The following ZBTB7C variants were observed in gnomAD, a reference collection of about 807,000 sequenced individuals.
ZBTB7C encodes the protein zinc finger and BTB domain containing 7C.
ZBTB7C carries 8 observed loss-of-function variants against 25.7 expected under a neutral mutation model. The ratio of observed to expected loss-of-function variants is 0.31; its 90% CI spans 0.18 to 0.56. ZBTB7C has a LOEUF of 0.56. Ranked by LOEUF, ZBTB7C falls within the 20% of genes least tolerant of loss-of-function variation. The pLI, the probability that ZBTB7C is intolerant of heterozygous loss-of-function variation, is 0.91. For synonymous variants in ZBTB7C, 394 were observed against 369.0 expected (o/e 1.07, Z -0.78); for missense variants, 824 against 855.2 (o/e 0.96, Z 0.46).
chr18:48,090,704 G>A (rs1642491442), intron 3 of ZBTB7C, among the ~76,000 whole-genome samples: 1 of 148,424 alleles, frequency 6.7e-6, no homozygotes, highest in Non-Finnish European at 1.5e-5. Context: ...TGTCCGGCCA[G>A]GCACTTGGCT....
At chr18:48,190,612 C>A (rs2042170274) in intron 2 of ZBTB7C, among the ~76,000 whole-genome samples, 1 of 152,142 alleles carries the variant, frequency 6.6e-6, no homozygotes, top group Admixed American at 6.5e-5. Context: ...TGCATGACAT[C>A]CTTCAGAAGG....
intron 3 of ZBTB7C, among the ~76,000 whole-genome samples, chr18:48,045,766 G>A (rs959482503): frequency 6.6e-6 from 1 of 150,640 alleles, no homozygotes; most frequent in Non-Finnish European, 1.5e-5. Context: ...GTAATGATTG[G>A]TGTCTCTGCT....
At chr18:48,151,782 T>A (rs995893386) in intron 3 of ZBTB7C, among the ~76,000 whole-genome samples, 1 of 152,218 alleles carries the variant, frequency 6.6e-6, no homozygotes, top group Non-Finnish European at 1.5e-5. Flanking sequence ...CACGTTTCCA[T>A]GCTTTTCGTG....
chr18:48,389,236 CGTGTGTGTGTGTG>C (rs1471990404), intron 1 of ZBTB7C, among the ~76,000 whole-genome samples: 38 of 62,362 alleles, frequency 6.1e-4, no homozygotes, highest in African/African-American at 2.6e-3. Context: ...CTCTCTCTCT[CGTGTGTGTGTGTG>C]TGTGTGTGTG....
rs546146601 is a variant in ZBTB7C at position 48,376,328 on chromosome 18, CGGAA to C, written c.-304+32894_-304+32897del. On this transcript the variant is annotated intron_variant, in intron 1 of 4. Coordinates refer to ENST00000590800, the MANE Select transcript of ZBTB7C (RefSeq NM_001318841.2). ...AGAGTCTGCGACAGAAAAGATGATT[CGGAA>C]GGAAGGGTTTTCCGGGCCTCTCCAG... 1.2e-3 allele frequency among the ~76,000 whole-genome samples: 189 copies of C among 152,300 alleles called. 1 individual carries two copies. Among genetic ancestry groups the C allele is most frequent in the African/African-American group, 4.4e-3 (183 of 41,570 alleles).
intron 1 of ZBTB7C, among the ~76,000 whole-genome samples, chr18:48,408,874 C>G (rs1057214959): frequency 1.3e-5 from 2 of 151,360 alleles, no homozygotes; most frequent in Non-Finnish European, 2.9e-5. Flanking sequence ...AGCCAGGAGG[C>G]GCGGCGCCCG....
At chr18:48,144,106 C>G (rs2040429303) in intron 3 of ZBTB7C, among the ~76,000 whole-genome samples, 1 of 152,026 alleles carries the variant, frequency 6.6e-6, no homozygotes, top group Non-Finnish European at 1.5e-5. Flanking sequence ...GGTGAAAGCC[C>G]CATCTTTACT....
chr18:48,089,855 G>A (rs1032694755), intron 3 of ZBTB7C, among the ~76,000 whole-genome samples: 1 of 152,204 alleles, frequency 6.6e-6, no homozygotes, highest in Non-Finnish European at 1.5e-5. Flanking sequence ...CTGGAGATGG[G>A]GTCAGGCCTG....
chr18:48,038,409 C>A (rs2036067801), intron 4 of ZBTB7C, among the ~76,000 whole-genome samples: 1 of 152,166 alleles, frequency 6.6e-6, no homozygotes, highest in Admixed American at 6.5e-5. Context: ...TCCTTCAAAA[C>A]AGTCCCCTGA....
At chr18:48,324,522 C>G (rs2144872662) in intron 2 of ZBTB7C, among the ~76,000 whole-genome samples, 1 of 152,116 alleles carries the variant, frequency 6.6e-6, no homozygotes, top group East Asian at 1.9e-4. Flanking sequence ...CCCAAAAACT[C>G]ACATGTAGAA....
At chr18:48,347,880 G>C (rs542265488) in intron 1 of ZBTB7C, among the ~76,000 whole-genome samples, 54 of 152,348 alleles carry the variant, frequency 3.5e-4, no homozygotes, top group African/African-American at 1.2e-3. Context: ...CTTGAGACCA[G>C]GGTGGGAAAT....
chr18:48,040,535 C>T lies in ZBTB7C; in HGVS notation c.573G>A (p.Lys191=), dbSNP rs375898584. The T allele has an allele frequency of 1.2e-6, 2 of 1,613,908 alleles. No individual in the cohort carries two copies. Among genetic ancestry groups the T allele is most frequent in the East Asian group, 2.2e-5 (1 of 44,890 alleles). Residue 191 remains lysine, a synonymous_variant, in exon 4 of 5, where the codon AAG becomes AAA. Coordinates refer to ENST00000590800, the MANE Select transcript of ZBTB7C (RefSeq NM_001318841.2). The stretch of plus-strand genomic sequence containing the variant: ...AGGCCTTCTCTGTGAGATGGTCTGT[C>T]TTGGAAGGGCTTTGGTGGCAGCTGA... ...QDISCHQSPS[K]TDHLTEKAYS...
chr18:48,201,559 G>A (rs905814531), intron 2 of ZBTB7C, among the ~76,000 whole-genome samples: 1 of 151,466 alleles, frequency 6.6e-6, no homozygotes, highest in African/African-American at 2.4e-5. Context: ...CCCCGTTTCT[G>A]GAGTCTGCCC....
chr18:48,040,133 G>A lies in ZBTB7C; in HGVS notation c.975C>T (p.Ile325=). The A allele has an allele frequency of 6.3e-7, 1 of 1,590,904 alleles. No homozygotes were observed. The highest frequency in any genetic ancestry group is 8.6e-7 in the Non-Finnish European group (1 of 1,168,388). The change falls in exon 4 of 5, where the codon ATC becomes ATT. Residue 325 remains isoleucine (I), a synonymous_variant. Coordinates refer to ENST00000590800, the MANE Select transcript of ZBTB7C (RefSeq NM_001318841.2). The part of the protein sequence containing the change: ...PDLPGGPLGP[I]KAENDYGAYL... ...AGGCACCGTAGTCGTTCTCCGCCTT[G>A]ATGGGTCCCAGAGGCCCCCCCGGCA...
At chr18:48,148,548 T>C (rs1471481442) in intron 3 of ZBTB7C, 2 of 152,218 alleles carry the variant, frequency 1.3e-5, no homozygotes, top group Non-Finnish European at 2.9e-5. Flanking sequence ...GCCTGGTACC[T>C]GGCTTACAGT....
chr18:48,388,621 T>C (rs910160599), intron 1 of ZBTB7C, among the ~76,000 whole-genome samples: 55 of 152,330 alleles, frequency 3.6e-4, no homozygotes, highest in African/African-American at 1.3e-3. Context: ...CGGTAGTACA[T>C]GCCTGTGATC....
At chr18:48,151,063 G>A (rs1248926466) in intron 3 of ZBTB7C, among the ~76,000 whole-genome samples, 1 of 152,226 alleles carries the variant, frequency 6.6e-6, no homozygotes, top group East Asian at 1.9e-4. Context: ...GGAAGAAGCA[G>A]TGACAACTGG....
chr18:48,341,423 T>G (rs1245131318), intron 1 of ZBTB7C, among the ~76,000 whole-genome samples: 1 of 152,184 alleles, frequency 6.6e-6, no homozygotes, highest in East Asian at 1.9e-4. Context: ...TCCAGGGAGC[T>G]GAATTTAGTG....
chr18:48,137,043 C>A, intron 3 of ZBTB7C: 1 of 985,328 alleles, frequency 1.0e-6, no homozygotes, highest in Non-Finnish European at 1.2e-6. Flanking sequence ...GTGCCCGGGC[C>A]GTGTCCTGAG....
Sources: gnomAD v4.1 joint callset for allele counts (sites outside exome capture counted in the v4.1 genomes callset) on GRCh38, gnomAD v4.1.1 for gene constraint, MANE v1.5 for transcripts, NCBI Gene and HGNC (gene_info 2026-07-23, HGNC 2026-07-21) for gene names.